PDZK1: variants seen among roughly 807,000 people sequenced by gnomAD.
PDZK1 encodes the protein Na(+)/H(+) exchange regulatory cofactor NHE-RF3.
PDZK1 carries 23 observed loss-of-function variants against 38.1 expected under a neutral mutation model. That is an observed-to-expected ratio of 0.60 (90% confidence interval 0.43 to 0.85). The LOEUF is 0.85. Ranked by LOEUF, PDZK1 falls within the 40% of genes least tolerant of loss-of-function variation. PDZK1 has a pLI of 0.00. For synonymous variants in PDZK1, 98 were observed against 186.2 expected (o/e 0.53, Z 3.86); for missense variants, 297 against 504.3 (o/e 0.59, Z 3.94).
chr1:145,675,728 A>C (rs1653583441), intron 6 of PDZK1, among the ~76,000 whole-genome samples: 1 of 152,128 alleles, frequency 6.6e-6, no homozygotes, highest in African/African-American at 2.4e-5. Flanking sequence ...AAAACACTTG[A>C]GATTTTGGCC....
chr1:145,684,506 C>T (rs1654579708), intron 3 of PDZK1, among the ~76,000 whole-genome samples: 1 of 152,264 alleles, frequency 6.6e-6, no homozygotes, highest in Non-Finnish European at 1.5e-5. Context: ...CTGCGCCCGG[C>T]CTGAGCTATT....
chr1:145,705,704 T>A (rs1656206417), intron 1 of PDZK1, among the ~76,000 whole-genome samples: 1 of 152,198 alleles, frequency 6.6e-6, no homozygotes, highest in Non-Finnish European at 1.5e-5. Flanking sequence ...AGACTTTCGA[T>A]ATACACATTT....
At chr1:145,685,466 C>T (rs1427131323) in intron 3 of PDZK1, among the ~76,000 whole-genome samples, 2 of 152,014 alleles carry the variant, frequency 1.3e-5, no homozygotes, top group Non-Finnish European at 2.9e-5. Flanking sequence ...CTTTTTTTTA[C>T]CACTTTACTG....
intron 1 of PDZK1, among the ~76,000 whole-genome samples, chr1:145,700,389 C>T (rs1553704803): frequency 6.6e-6 from 1 of 152,172 alleles, no homozygotes; most frequent in Non-Finnish European, 1.5e-5. Flanking sequence ...GAGAGTTCCA[C>T]CGCCTGGAGT....
chr1:145,701,161 T>C (rs1296232459), intron 1 of PDZK1, among the ~76,000 whole-genome samples: 2 of 151,162 alleles, frequency 1.3e-5, no homozygotes, highest in Non-Finnish European at 1.5e-5. Flanking sequence ...GCCAAGATAG[T>C]ACCACTGCAC....
At chr1:145,706,148 G>C (rs1656234330) in intron 1 of PDZK1, among the ~76,000 whole-genome samples, 1 of 152,158 alleles carries the variant, frequency 6.6e-6, no homozygotes, top group South Asian at 2.1e-4. Context: ...GCTCCAGTTG[G>C]CTAAGTAGTT....
intron 1 of PDZK1, among the ~76,000 whole-genome samples, chr1:145,694,041 C>T (rs1354602078): frequency 1.1e-4 from 17 of 152,216 alleles, no homozygotes; most frequent in African/African-American, 4.1e-4. Flanking sequence ...AACCTGCAAT[C>T]TGTTCCTTGT....
chr1:145,702,378 C>A (rs1376497722), intron 1 of PDZK1, among the ~76,000 whole-genome samples: 1 of 152,092 alleles, frequency 6.6e-6, no homozygotes. Context: ...AGAGAGAGGA[C>A]ACCCTCATGC....
chr1:145,688,076 A>C (rs1654951229), intron 1 of PDZK1, 53 bp from the exon 2 acceptor site: 2 of 1,423,524 alleles, frequency 1.4e-6, no homozygotes, highest in African/African-American at 2.8e-5. Flanking sequence ...ATCTAATTGG[A>C]GTGAGAACCC....
intron 1 of PDZK1, among the ~76,000 whole-genome samples, chr1:145,693,965 G>A (rs1488846221): frequency 6.6e-6 from 1 of 152,102 alleles, no homozygotes; most frequent in African/African-American, 2.4e-5. Context: ...TGGTCACACC[G>A]TGCAGTCCTC....
intron 1 of PDZK1, among the ~76,000 whole-genome samples, chr1:145,694,920 A>AT (rs1655537689): frequency 6.9e-6 from 1 of 144,938 alleles, no homozygotes; most frequent in Admixed American, 6.9e-5. Context: ...AAAAAAAAAA[A>AT]GGAAAGAAAG....
chr1:145,701,467 G>A (rs587621982), intron 1 of PDZK1, among the ~76,000 whole-genome samples: 7 of 152,170 alleles, frequency 4.6e-5, no homozygotes, highest in African/African-American at 9.6e-5. Flanking sequence ...TTCTCAGGAC[G>A]CTTGACCACA....
intron 2 of PDZK1, among the ~76,000 whole-genome samples, chr1:145,687,009 A>G (rs587715512): frequency 3.7e-4 from 57 of 152,252 alleles, no homozygotes; most frequent in African/African-American, 1.3e-3. Context: ...GCGCTGCCCT[A>G]GATTGTAACC....
intron 1 of PDZK1, among the ~76,000 whole-genome samples, chr1:145,699,220 G>C (rs587638759): frequency 1.3e-5 from 2 of 151,816 alleles, no homozygotes; most frequent in African/African-American, 2.4e-5. Flanking sequence ...CCTGGGCAAC[G>C]AGTGAAACTC....
intron 3 of PDZK1, among the ~76,000 whole-genome samples, chr1:145,684,039 G>T (rs1448380615): frequency 6.6e-6 from 1 of 150,734 alleles, no homozygotes; most frequent in African/African-American, 2.4e-5. Context: ...TAGAGATGGG[G>T]TTTCGCCATG....
At chr1:145,678,831 C>T (rs1263284618) in intron 5 of PDZK1, among the ~76,000 whole-genome samples, 186 bp from the exon 6 acceptor site, 4 of 144,636 alleles carry the variant, frequency 2.8e-5, no homozygotes, top group Non-Finnish European at 4.6e-5. Context: ...GTTTCCTGCT[C>T]AGAACTCACC....
In PDZK1 at chr1:145,678,763, C is replaced by CAACT. The variant is rs1653955589; in HGVS notation, c.794-122_794-119dup. The CAACT allele has an allele frequency of 4.2e-6, 2 of 479,430 alleles. 1 individual carries two copies. Among genetic ancestry groups the CAACT allele is most frequent in the Non-Finnish European group, 7.1e-6 (2 of 281,554 alleles). The allele number at this position is 479,430 out of a possible 1,614,324, so 29.7% of individuals were successfully genotyped here. A position where few individuals can be genotyped will look rare whatever the true frequency, so the allele number is the denominator to read the frequency against. On this transcript the variant is annotated intron_variant, in intron 5 of 8. Coordinates refer to ENST00000417171, the MANE Select transcript of PDZK1 (RefSeq NM_001201325.2). Reference sequence around the variant, plus strand: ...ACAGATAAAAAAGGCATGCTGAGTACAACTACCACCCCTTCCACCAGCATC... The same window carrying CAACT: ...ACAGATAAAAAAGGCATGCTGAGTACAACTAACTACCACCCCTTCCACCAGCATC...
intron 3 of PDZK1, among the ~76,000 whole-genome samples, chr1:145,685,348 G>GT (rs587628589): frequency 2.5e-4 from 38 of 152,270 alleles, no homozygotes; most frequent in African/African-American, 8.4e-4. Context: ...CTGCTACCTT[G>GT]TTATATATTT....
intron 6 of PDZK1, chr1:145,676,223 A>G (rs1653653057): frequency 3.1e-6 from 3 of 954,314 alleles, no homozygotes; most frequent in Non-Finnish European, 3.7e-6. Flanking sequence ...TCTATTAACC[A>G]AAACAGAAAA....
Sources: allele counts gnomAD v4.1 joint callset (sites outside exome capture counted in the v4.1 genomes callset), GRCh38; gene constraint gnomAD v4.1.1; transcripts MANE v1.5; gene names NCBI Gene and HGNC (gene_info 2026-07-23, HGNC 2026-07-21).